Variants in GLCE observed in about 807,000 individuals in gnomAD.
GLCE encodes the protein glucuronic acid epimerase, also known as D-glucuronyl C5-epimerase.
Under a neutral mutation model 47.9 loss-of-function variants are expected in GLCE, and 19 were observed. The observed-to-expected ratio is 0.40, with a 90% CI of 0.28 to 0.58. GLCE has a LOEUF of 0.58. Ranked by LOEUF, GLCE falls within the 20% of genes least tolerant of loss-of-function variation. The pLI is 0.48. For missense variants in GLCE, 556 were observed against 743.3 expected (o/e 0.75, Z 2.93); for synonymous variants, 245 against 263.4 (o/e 0.93, Z 0.68).
intron 4 of GLCE, among the ~76,000 whole-genome samples, chr15:69,262,643 A>G (rs957868747): frequency 4.6e-5 from 7 of 152,140 alleles, no homozygotes; most frequent in Non-Finnish European, 1.0e-4. Context: ...GAGTAATACA[A>G]AAGATAGGTC....
intron 1 of GLCE, among the ~76,000 whole-genome samples, chr15:69,206,979 C>T (rs2052161380): frequency 6.6e-6 from 1 of 152,040 alleles, no homozygotes; most frequent in Admixed American, 6.6e-5. Flanking sequence ...TAAGTTCATA[C>T]TGATGTCTGT....
intron 2 of GLCE, among the ~76,000 whole-genome samples, chr15:69,226,636 G>A (rs2052451363): frequency 6.7e-6 from 1 of 148,674 alleles, no homozygotes. Flanking sequence ...TGCATAGAAA[G>A]TATAAGAATT....
At chr15:69,262,791 C>T (rs2053032622) in intron 4 of GLCE, among the ~76,000 whole-genome samples, 1 of 152,192 alleles carries the variant, frequency 6.6e-6, no homozygotes, top group Non-Finnish European at 1.5e-5. Context: ...TGGGACACAG[C>T]TGTTCTAAGT....
At chr15:69,220,465 G>GT (rs1475822973) in intron 2 of GLCE, among the ~76,000 whole-genome samples, 1 of 151,892 alleles carries the variant, frequency 6.6e-6, no homozygotes, top group Non-Finnish European at 1.5e-5. Flanking sequence ...GTTATTTTCT[G>GT]TTTTTTGATA....
intron 1 of GLCE, among the ~76,000 whole-genome samples, chr15:69,178,833 T>A (rs921848898): frequency 6.6e-6 from 1 of 152,170 alleles, no homozygotes; most frequent in Non-Finnish European, 1.5e-5. Flanking sequence ...TAGTATTAAT[T>A]ATATTGTCAA....
At chr15:69,189,780 C>G (rs1374181055) in intron 1 of GLCE, among the ~76,000 whole-genome samples, 1 of 152,126 alleles carries the variant, frequency 6.6e-6, no homozygotes, top group East Asian at 1.9e-4. Flanking sequence ...GGAGGACACA[C>G]TTACTGCTTA....
chr15:69,253,816 A>G (rs970425494), intron 2 of GLCE, among the ~76,000 whole-genome samples: 1 of 152,218 alleles, frequency 6.6e-6, no homozygotes, highest in Non-Finnish European at 1.5e-5. Context: ...AACAAGTAAC[A>G]GACTGAAATC....
chr15:69,193,105 G>A (rs1202720010), intron 1 of GLCE, among the ~76,000 whole-genome samples: 1 of 149,894 alleles, frequency 6.7e-6, no homozygotes, highest in African/African-American at 2.5e-5. Flanking sequence ...AATTCTAGCT[G>A]TTTTGGCCTC....
chr15:69,225,988 GGGCCTA>G (rs2052440776), intron 2 of GLCE, among the ~76,000 whole-genome samples: 1 of 151,290 alleles, frequency 6.6e-6, no homozygotes, highest in Admixed American at 6.6e-5. Context: ...TTGGACTTAA[GGGCCTA>G]AATTCATCAA....
intron 2 of GLCE, among the ~76,000 whole-genome samples, chr15:69,252,774 T>A (rs559667154): frequency 4.3e-4 from 63 of 147,570 alleles, no homozygotes; most frequent in East Asian, 2.3e-3. Flanking sequence ...ATGAAGGATT[T>A]AAAAAAAAAA....
At chr15:69,215,760 T>C (rs532440028) in intron 2 of GLCE, among the ~76,000 whole-genome samples, 1 of 152,314 alleles carries the variant, frequency 6.6e-6, no homozygotes, top group East Asian at 1.9e-4. Context: ...GCACTTGATA[T>C]TGTGCAGTAT....
At chr15:69,171,543 C>T (rs945199586) in intron 1 of GLCE, among the ~76,000 whole-genome samples, 2 of 151,760 alleles carry the variant, frequency 1.3e-5, no homozygotes, top group Non-Finnish European at 2.9e-5. Flanking sequence ...ATTACAGGCG[C>T]CTGCCACCAT....
At chr15:69,182,481 A>T (rs1171979364) in intron 1 of GLCE, among the ~76,000 whole-genome samples, 1 of 152,182 alleles carries the variant, frequency 6.6e-6, no homozygotes, top group African/African-American at 2.4e-5. Context: ...ACAACTAGCC[A>T]AGCAAGATTG....
chr15:69,190,974 T>C (rs1376419713), intron 1 of GLCE, among the ~76,000 whole-genome samples: 1 of 152,186 alleles, frequency 6.6e-6, no homozygotes, highest in East Asian at 1.9e-4. Flanking sequence ...TTCTATATCT[T>C]TAACTTACAC....
chr15:69,182,151 G>A (rs979468136), intron 1 of GLCE, among the ~76,000 whole-genome samples: 7 of 152,072 alleles, frequency 4.6e-5, no homozygotes, highest in Non-Finnish European at 8.8e-5. Context: ...ATGTAAGAGA[G>A]TGGCAGAATG....
chr15:69,218,878 T>A (rs1390469107), intron 2 of GLCE, among the ~76,000 whole-genome samples: 9 of 152,190 alleles, frequency 5.9e-5, no homozygotes, highest in Non-Finnish European at 1.2e-4. Flanking sequence ...CTCAAAAATT[T>A]AACACTGCAA....
chr15:69,245,652 A>G (rs2052736332), intron 2 of GLCE, among the ~76,000 whole-genome samples: 1 of 152,192 alleles, frequency 6.6e-6, no homozygotes, highest in Non-Finnish European at 1.5e-5. Flanking sequence ...ATTGGAGTCA[A>G]TCCTCCCAAA....
chr15:69,262,554 T>C (rs2053028958), intron 4 of GLCE, among the ~76,000 whole-genome samples: 1 of 152,186 alleles, frequency 6.6e-6, no homozygotes, highest in Non-Finnish European at 1.5e-5. Flanking sequence ...CTTGAGTGTT[T>C]GGAAGGTTTT....
At chr15:69,238,631 A>G (rs1416021188) in intron 2 of GLCE, among the ~76,000 whole-genome samples, 2 of 152,214 alleles carry the variant, frequency 1.3e-5, no homozygotes, top group African/African-American at 4.8e-5. Flanking sequence ...AAATGAGAGT[A>G]GCAGGGTTGA....
Sources: gnomAD v4.1 joint callset for allele counts (sites outside exome capture counted in the v4.1 genomes callset) on GRCh38, gnomAD v4.1.1 for gene constraint, MANE v1.5 for transcripts, NCBI Gene and HGNC (gene_info 2026-07-23, HGNC 2026-07-21) for gene names.